PDE4DIP: variants seen among roughly 807,000 people sequenced by gnomAD.
The protein encoded by PDE4DIP is phosphodiesterase 4D interacting protein.
PDE4DIP carries 59 observed loss-of-function variants against 221.4 expected under a neutral mutation model. The observed-to-expected ratio is 0.27, with a 90% CI of 0.22 to 0.33. PDE4DIP has a LOEUF of 0.33. Ranked by LOEUF, PDE4DIP falls within the 10% of genes least tolerant of loss-of-function variation. The pLI, the probability that PDE4DIP is intolerant of heterozygous loss-of-function variation, is 1.00. For missense variants in PDE4DIP, 1,036 were observed against 2,154.2 expected, an observed-to-expected ratio of 0.48 and a Z score of 10.28; for synonymous variants, 404 against 815.9, an observed-to-expected ratio of 0.50 and a Z score of 8.60.
intron 1 of PDE4DIP, among the ~76,000 whole-genome samples, chr1:148,813,906 T>G (rs1667103018): frequency 2.4e-5 from 1 of 41,010 alleles, no homozygotes; most frequent in Non-Finnish European, 4.3e-5. Flanking sequence ...ATCGTCTGTA[T>G]CTGGGTTTCT....
At chr1:148,955,388 TAAC>T (rs781852394) in intron 5 of PDE4DIP, among the ~76,000 whole-genome samples, 406 of 151,946 alleles carry the variant, frequency 2.7e-3, no homozygotes, top group Middle Eastern at 6.8e-3. Flanking sequence ...ACTGAGAAAA[TAAC>T]AGCCAAAACA....
At chr1:148,981,152 C>G in intron 20 of PDE4DIP, 118 bp from the exon 24 acceptor site, 1 of 872,802 alleles carries the variant, frequency 1.1e-6, no homozygotes, top group Non-Finnish European at 1.8e-6. Flanking sequence ...TCCTGGAGAA[C>G]AATTACTTTA....
In PDE4DIP at chr1:149,015,055, G is replaced by T. The variant is rs1402406572; in HGVS notation, c.5267-1244G>T. On this transcript the variant is annotated intron_variant, in intron 32 of 43. Coordinates refer to ENST00000369354, the Ensembl canonical transcript of PDE4DIP. ...TTGTTGCATTCCTTCTAAAATGTAG[G>T]TGCTTAAATTTTTAACCTTCTTCCT... is the stretch of plus-strand genomic sequence containing the variant. Among the ~76,000 whole-genome samples, 8 of 151,960 alleles carry T rather than the reference G, an allele frequency of 5.3e-5. 1 individual carries two copies.
intron 42 of PDE4DIP, 97 bp from the exon 46 acceptor site, chr1:149,030,135 C>G: frequency 9.5e-7 from 1 of 1,050,812 alleles, no homozygotes; most frequent in East Asian, 2.7e-5. Flanking sequence ...AGCTGAATAG[C>G]CAGAAAGAAA....
In PDE4DIP at chr1:148,920,197, A is replaced by G. The variant is rs1357364140; in HGVS notation, c.142-9000A>G. The stretch of plus-strand genomic sequence containing the variant: ...GCCCAGGCTGGAGTGCAGTGGCGCA[A>G]TCTTCGCTCACCGAAACCTCCGCCT... On this transcript the variant is annotated intron_variant, in intron 1 of 43. Coordinates refer to ENST00000369354, the Ensembl canonical transcript of PDE4DIP. 8.2e-5 allele frequency among the ~76,000 whole-genome samples: 12 copies of G among 146,652 alleles called. No individual in the cohort carries two copies. In the East Asian group the frequency reaches 2.2e-3, roughly 26 times the overall value.
intron 5 of PDE4DIP, chr1:148,953,071 T>G (rs1553493539): frequency 6.2e-7 from 1 of 1,614,068 alleles, no homozygotes; most frequent in East Asian, 2.2e-5. Flanking sequence ...CCAGTATGTA[T>G]CGGAAGAATA....
At chr1:148,994,631 A>C (rs2063782397) in intron 22 of PDE4DIP, among the ~76,000 whole-genome samples, 1 of 152,210 alleles carries the variant, frequency 6.6e-6, no homozygotes, top group Non-Finnish European at 1.5e-5. Flanking sequence ...AACCAAGCTA[A>C]TTACATATTC....
intron 23 of PDE4DIP, among the ~76,000 whole-genome samples, chr1:148,999,888 GGTTTT>G (rs2065207458): frequency 6.6e-6 from 1 of 150,736 alleles, no homozygotes; most frequent in Non-Finnish European, 1.5e-5. Flanking sequence ...CTTTCAAGAA[GGTTTT>G]GTTGAGTTTT....
rs1224532360 is a variant in PDE4DIP, at chr1:148,981,738, C to T, written c.2815+341C>T. 19 of 259,322 alleles carry T rather than the reference C, an allele frequency of 7.3e-5. No individual in the cohort carries two copies. In the Admixed American group the frequency reaches 8.3e-4, roughly 11 times the overall value. 16.1% of individuals were successfully genotyped at this position (259,322 alleles called of 1,614,324 possible). On this transcript the variant is annotated intron_variant, in intron 21 of 43. Transcript: ENST00000369354. ...TATCCCTAGCCCCTTCTCGTTCCCTCATCCCTTCTGTGGGCCAATAAAGTT... is the reference window on the plus strand; with the variant it reads ...TATCCCTAGCCCCTTCTCGTTCCCTTATCCCTTCTGTGGGCCAATAAAGTT...
intron 1 of PDE4DIP, among the ~76,000 whole-genome samples, chr1:148,830,672 G>A (rs6663035): frequency 8.8e-5 from 11 of 125,252 alleles, no homozygotes; most frequent in Middle Eastern, 7.6e-3. Context: ...GAGAACATGC[G>A]GTATTTGGTT....
At chr1:149,004,337 T>G (rs1553589174) in intron 26 of PDE4DIP, among the ~76,000 whole-genome samples, 3 of 151,106 alleles carry the variant, frequency 2.0e-5, no homozygotes, top group Non-Finnish European at 4.4e-5. Context: ...TGCCATGGAT[T>G]AGTTCTCATT....
At chr1:148,897,832 A>G (rs587764285) in intron 1 of PDE4DIP, among the ~76,000 whole-genome samples, 1 of 150,674 alleles carries the variant, frequency 6.6e-6, no homozygotes, top group Admixed American at 6.6e-5. Flanking sequence ...TTCCCCAAAA[A>G]AGTCAGTTGC....
Position 148,968,876 on chromosome 1 carries a change from A to G in PDE4DIP, c.1826A>G (p.Gln609Arg), listed in dbSNP as rs782750197. Residue 609 changes from glutamine to arginine, a missense_variant, in exon 14 of 44, where the codon CAG becomes CGG. Transcript: ENST00000369354. ...CTGCTCTGCAAACTTGGACCAGGGCAGAGTGAGATAGCAGAGGAGCTGTGC... is the reference window on the plus strand; with the variant it reads ...CTGCTCTGCAAACTTGGACCAGGGCGGAGTGAGATAGCAGAGGAGCTGTGC... 1.9e-6 allele frequency: 3 copies of G among 1,613,562 alleles called. No homozygotes were observed. In the South Asian group the frequency reaches 3.3e-5, roughly 18 times the overall value.
intron 1 of PDE4DIP, among the ~76,000 whole-genome samples, chr1:148,892,094 G>A (rs375936483): frequency 0.017 from 1,963 of 114,526 alleles, 531 homozygotes; most frequent in African/African-American, 0.074. Context: ...TGCAACCTCC[G>A]CCTCCTGGGT....
chr1:148,820,760 C>T (rs1386749686), intron 1 of PDE4DIP, among the ~76,000 whole-genome samples: 2 of 146,784 alleles, frequency 1.4e-5, no homozygotes, highest in Non-Finnish European at 3.0e-5. Flanking sequence ...GGTTTATAGT[C>T]TTGGTGGGAA....
At chr1:148,996,015 C>T (rs1397027607) in intron 22 of PDE4DIP, among the ~76,000 whole-genome samples, 2 of 151,292 alleles carry the variant, frequency 1.3e-5, no homozygotes, top group Non-Finnish European at 2.9e-5. Context: ...AAATGAGATC[C>T]CTAGGCAATG....
chr1:148,948,355 T>C (rs1441426006), intron 5 of PDE4DIP, among the ~76,000 whole-genome samples: 1 of 152,010 alleles, frequency 6.6e-6, no homozygotes, highest in East Asian at 1.9e-4. Context: ...GGTGTACATA[T>C]GCATATAAAA....
intron 3 of PDE4DIP, among the ~76,000 whole-genome samples, chr1:148,875,246 AG>A (rs1480305537): frequency 3.9e-3 from 190 of 48,826 alleles, no homozygotes; most frequent in South Asian, 0.022. Flanking sequence ...ACTAGGAGGC[AG>A]GGGGTAAATA....
chr1:148,919,606 G>T (rs587749961), intron 1 of PDE4DIP, among the ~76,000 whole-genome samples: 35 of 151,908 alleles, frequency 2.3e-4, no homozygotes, highest in Non-Finnish European at 4.7e-4. Flanking sequence ...GAGAAGCCTG[G>T]AGAAAAATTC....
Sources: gnomAD v4.1 joint callset for allele counts (sites outside exome capture counted in the v4.1 genomes callset) on GRCh38, gnomAD v4.1.1 for gene constraint, MANE v1.5 for transcripts, NCBI Gene and HGNC (gene_info 2026-07-23, HGNC 2026-07-21) for gene names.